IFT43: variants seen among roughly 807,000 people sequenced by gnomAD.
The protein encoded by IFT43 is intraflagellar transport protein 43 homolog.
Under a neutral mutation model 32.3 loss-of-function variants are expected in IFT43, and 33 were observed. That is an observed-to-expected ratio of 1.02 (90% CI 0.77 to 1.37). The LOEUF is 1.37. Among genes scored for constraint, IFT43 ranks in the 40% most tolerant of loss-of-function variants. IFT43 has a pLI of 0.00. For synonymous variants in IFT43, 93 were observed against 98.2 expected (o/e 0.95, Z 0.31); for missense variants, 274 against 265.9 (o/e 1.03, Z -0.21).
chr14:75,999,269 ATATGTATATATAT>A (rs1477782517), intron 2 of IFT43, among the ~76,000 whole-genome samples: 6 of 24,244 alleles, frequency 2.5e-4, no homozygotes, highest in African/African-American at 9.5e-4. Context: ...ATATATATAT[ATATGTATATATAT>A]TTTTTTTTTT....
chr14:76,028,610 G>A (rs184781501), intron 3 of IFT43, among the ~76,000 whole-genome samples: 2 of 151,742 alleles, frequency 1.3e-5, no homozygotes, highest in African/African-American at 2.4e-5. Flanking sequence ...TTCAGTCCTC[G>A]CCCGCAACCC....
intron 5 of IFT43, 24 bp downstream of exon 5, chr14:76,059,397 A>T: frequency 1.2e-6 from 2 of 1,611,532 alleles, no homozygotes; most frequent in South Asian, 1.1e-5. Context: ...GGAGGAAGTC[A>T]AAAGGTCTTC....
chr14:75,992,248 C>CT (rs749551932), intron 2 of IFT43, among the ~76,000 whole-genome samples: 2 of 152,220 alleles, frequency 1.3e-5, no homozygotes, highest in Non-Finnish European at 2.9e-5. Context: ...ACCAATCTCT[C>CT]TAATTCTCCA....
chr14:76,039,169 G>A (rs927650162), intron 3 of IFT43, among the ~76,000 whole-genome samples: 10 of 149,044 alleles, frequency 6.7e-5, no homozygotes, highest in African/African-American at 2.5e-4. Context: ...GTCTCATTCT[G>A]TTGCCCAGGT....
chr14:76,046,588 G>T (rs1314690998), intron 3 of IFT43, among the ~76,000 whole-genome samples: 1 of 152,156 alleles, frequency 6.6e-6, no homozygotes, highest in Non-Finnish European at 1.5e-5. Context: ...ACTGGATGAG[G>T]ACAACCATCA....
chr14:76,057,923 C>T (rs1043870456), intron 3 of IFT43, among the ~76,000 whole-genome samples: 2 of 152,206 alleles, frequency 1.3e-5, no homozygotes, highest in African/African-American at 4.8e-5. Flanking sequence ...ATCAGTGTTT[C>T]TCAGAGTGTG....
chr14:76,009,943 T>C (rs192658504), intron 2 of IFT43, among the ~76,000 whole-genome samples: 208 of 152,250 alleles, frequency 1.4e-3, no homozygotes, highest in African/African-American at 4.9e-3. Context: ...TACAGGTACA[T>C]GCCACCGTGC....
intron 2 of IFT43, among the ~76,000 whole-genome samples, chr14:76,010,370 C>T (rs1020465647): frequency 1.3e-4 from 20 of 152,088 alleles, no homozygotes; most frequent in Admixed American, 7.2e-4. Flanking sequence ...CATGCTGGTA[C>T]CCTCCTCCAT....
At chr14:76,008,939 A>G (rs1320391042) in intron 2 of IFT43, among the ~76,000 whole-genome samples, 1 of 152,050 alleles carries the variant, frequency 6.6e-6, no homozygotes, top group Non-Finnish European at 1.5e-5. Context: ...AGACCATGCT[A>G]TTTTCTGGAC....
Position 76,045,655 on chromosome 14 carries a change from G to A in IFT43, c.216-12987G>A, listed in dbSNP as rs148709626. Among the ~76,000 whole-genome samples, 146 of 152,278 alleles carry A rather than the reference G, an allele frequency of 9.6e-4. 1 individual carries two copies. The highest frequency in any genetic ancestry group is 1.7e-3 in the Non-Finnish European group (116 of 68,026). On this transcript the variant is annotated intron_variant, in intron 3 of 8. Transcript: ENST00000314067. ...CGTGTGGGCCTTTGTCACCATGCTC[G>A]TGCCTCCTGGTTGTGGGATGGCTGC...
chr14:76,054,371 G>A (rs1249017669), intron 3 of IFT43, among the ~76,000 whole-genome samples: 2 of 152,228 alleles, frequency 1.3e-5, no homozygotes, highest in Non-Finnish European at 2.9e-5. Flanking sequence ...GGTGCCTTAG[G>A]GATATTAGAT....
intron 5 of IFT43, among the ~76,000 whole-genome samples, chr14:76,078,052 C>A (rs1263091825): frequency 6.6e-6 from 1 of 152,166 alleles, no homozygotes; most frequent in African/African-American, 2.4e-5. Flanking sequence ...AAGTAAAATA[C>A]ATCTATATGT....
chr14:75,998,060 G>T (rs2035781104), intron 2 of IFT43, among the ~76,000 whole-genome samples: 1 of 152,178 alleles, frequency 6.6e-6, no homozygotes, highest in East Asian at 1.9e-4. Flanking sequence ...TATTGTAGTT[G>T]ATTTAAGTGC....
At chr14:76,038,191 G>T (rs1202971612) in intron 3 of IFT43, 2 of 152,220 alleles carry the variant, frequency 1.3e-5, no homozygotes, top group Non-Finnish European at 2.9e-5. Flanking sequence ...AATCAGATGG[G>T]GCTGTTGCAT....
Position 75,985,971 on chromosome 14 carries a change from A to G in IFT43, c.54+131A>G, listed in dbSNP as rs2035514729. Reference sequence around the variant, plus strand: ...GCCGCGCCGGGTGAGGCCCAGAAGGAGGCAGCCTCACCGCCCCGCCCCCAG... The same window carrying G: ...GCCGCGCCGGGTGAGGCCCAGAAGGGGGCAGCCTCACCGCCCCGCCCCCAG... On this transcript the variant is annotated intron_variant, in intron 1 of 8. Coordinates refer to ENST00000314067, the MANE Select transcript of IFT43 (RefSeq NM_001102564.3). 2.6e-6 allele frequency: 4 copies of G among 1,531,420 alleles called. No homozygotes were observed. The South Asian group carries it at 4.8e-5, about 18-fold the overall frequency. The allele number at this position is 1,531,420 out of a possible 1,614,324, so 94.9% of individuals were successfully genotyped here.
intron 2 of IFT43, among the ~76,000 whole-genome samples, chr14:75,990,664 G>A (rs528401274): frequency 6.6e-6 from 1 of 152,270 alleles, no homozygotes; most frequent in South Asian, 2.1e-4. Context: ...AGCATTGGAG[G>A]CACAGTTAGG....
intron 3 of IFT43, among the ~76,000 whole-genome samples, chr14:76,030,873 A>G (rs977674673): frequency 1.3e-5 from 2 of 151,842 alleles, no homozygotes; most frequent in Non-Finnish European, 2.9e-5. Context: ...AATAGTTAAA[A>G]TTGTATAGAA....
At chr14:76,000,262 C>CTTTTTTTTTTTT (rs35001298) in intron 2 of IFT43, among the ~76,000 whole-genome samples, 1 of 115,562 alleles carries the variant, frequency 8.7e-6, no homozygotes. Context: ...TAACTGGCTT[C>CTTTTTTTTTTTT]TTTTTTTTTT....
chr14:76,000,242 A>G (rs1378567156), intron 2 of IFT43, among the ~76,000 whole-genome samples: 2 of 150,768 alleles, frequency 1.3e-5, no homozygotes, highest in Non-Finnish European at 3.0e-5. Flanking sequence ...CTTAGTATAC[A>G]TAACATACAT....
Sources: gnomAD v4.1 joint callset for allele counts (sites outside exome capture counted in the v4.1 genomes callset) on GRCh38, gnomAD v4.1.1 for gene constraint, MANE v1.5 for transcripts, NCBI Gene and HGNC (gene_info 2026-07-23, HGNC 2026-07-21) for gene names.